Variants in MTHFD1 observed in about 807,000 individuals in gnomAD.
The protein encoded by MTHFD1 is C-1-tetrahydrofolate synthase, cytoplasmic.
A neutral mutation model predicts 110.3 loss-of-function variants in MTHFD1; 44 were observed. The ratio of observed to expected loss-of-function variants is 0.40; its 90% CI spans 0.31 to 0.51. The LOEUF (loss-of-function observed/expected upper bound fraction) is 0.51, where lower values mean the gene tolerates loss of function less well. Ranked by LOEUF, MTHFD1 falls within the 20% of genes least tolerant of loss-of-function variation. MTHFD1 has a pLI of 0.60. For missense variants in MTHFD1, 909 were observed against 1,173.1 expected, an observed-to-expected ratio of 0.77 and a Z score of 3.29; for synonymous variants, 402 against 428.8, an observed-to-expected ratio of 0.94 and a Z score of 0.77.
intron 1 of MTHFD1, among the ~76,000 whole-genome samples, chr14:64,393,981 G>C (rs1355385837): frequency 6.6e-6 from 1 of 152,002 alleles, no homozygotes; most frequent in Non-Finnish European, 1.5e-5. Flanking sequence ...ACTTCCTGAC[G>C]TTGCCCCAAG....
chr14:64,399,589 G>T lies in MTHFD1; in HGVS notation c.42-1204G>T, dbSNP rs61465201. 1.7e-3 allele frequency among the ~76,000 whole-genome samples: 262 copies of T among 150,422 alleles called. 1 individual carries two copies. The highest frequency in any genetic ancestry group is 6.2e-3 in the African/African-American group (252 of 40,822). The stretch of plus-strand genomic sequence containing the variant: ...CAGCAGAATCGCTTGAACCCAGGAG[G>T]TGGAGGTTGCAGTGAGCAGATATCG... On this transcript the variant is annotated intron_variant, in intron 1 of 27. Transcript: ENST00000652337.
chr14:64,437,395 GAT>G lies in MTHFD1; in HGVS notation c.1598-1699_1598-1698del, dbSNP rs1400989497. Among the ~76,000 whole-genome samples the G allele has an allele frequency of 4.6e-5, 7 of 152,310 alleles. No individual in the cohort carries two copies. In the East Asian group the frequency reaches 1.2e-3, roughly 25 times the overall value. ...GTTTCTTTGATATTGTTTGGCATTTGATACTGAAATGGCAACTCCTGTTTCCT... is the reference window on the plus strand; with the variant it reads ...GTTTCTTTGATATTGTTTGGCATTTGACTGAAATGGCAACTCCTGTTTCCT... On this transcript the variant is annotated intron_variant, in intron 16 of 27. Coordinates refer to ENST00000652337, the MANE Select transcript of MTHFD1 (RefSeq NM_005956.4).
At chr14:64,435,043 G>C (rs146724743) in intron 15 of MTHFD1, among the ~76,000 whole-genome samples, 1,430 of 140,140 alleles carry the variant, frequency 0.01, 22 homozygotes, top group African/African-American at 0.034. Flanking sequence ...TCTACCTCCT[G>C]GGTTCAAGCA....
At chr14:64,447,563 G>A (rs2078302409) in intron 22 of MTHFD1, among the ~76,000 whole-genome samples, 1 of 150,562 alleles carries the variant, frequency 6.6e-6, no homozygotes, top group Admixed American at 6.7e-5. Flanking sequence ...TCCTGCCTCA[G>A]CCTCCCAAAG....
intron 4 of MTHFD1, 93 bp downstream of exon 4, chr14:64,412,618 G>A: frequency 1.2e-6 from 1 of 829,184 alleles, no homozygotes. Flanking sequence ...GACACATTTA[G>A]CCAAGACCTC....
At position 64,415,646 on chromosome 14, in the gene MTHFD1, A is replaced by G. The variant is rs2078019975; in HGVS notation, c.385A>G (p.Ser129Gly). The G allele has an allele frequency of 6.2e-7, 1 of 1,611,876 alleles. No homozygotes were observed. Among genetic ancestry groups the G allele is most frequent in the East Asian group, 2.2e-5 (1 of 44,860 alleles). Reference protein sequence around the residue: ...APEKDVDGLTSINAGKLARGD... With the variant: ...APEKDVDGLTGINAGKLARGD... ...TTCCATCACTTTTTTAAGATTGACTAGCATCAATGCTGGGAAACTTGCTAG... is the reference window on the plus strand; with the variant it reads ...TTCCATCACTTTTTTAAGATTGACTGGCATCAATGCTGGGAAACTTGCTAG... The change falls in exon 6 of 28, where the codon AGC (serine) becomes GGC (glycine). Residue 129 changes from serine (S) to glycine (G), a missense_variant. Around this residue, in one of 3 missense-constraint regions of MTHFD1, gnomAD observed 424 missense variants for 510.4 expected, o/e 0.83. Transcript: ENST00000652337.
intron 25 of MTHFD1, among the ~76,000 whole-genome samples, chr14:64,454,484 G>A (rs1384487423): frequency 2.0e-5 from 3 of 151,460 alleles, no homozygotes; most frequent in African/African-American, 4.9e-5. Context: ...TTCCATAGAT[G>A]GAAATAAAAT....
chr14:64,432,444 T>C (rs1363934463), intron 15 of MTHFD1, among the ~76,000 whole-genome samples: 4 of 152,232 alleles, frequency 2.6e-5, no homozygotes, highest in Non-Finnish European at 1.5e-5. Flanking sequence ...AGCAGCTCTA[T>C]TAATAATTTC....
chr14:64,428,809 C>T (rs1397470257), intron 12 of MTHFD1, among the ~76,000 whole-genome samples: 1 of 148,886 alleles, frequency 6.7e-6, no homozygotes, highest in Admixed American at 6.7e-5. Flanking sequence ...ACCTTGGCCT[C>T]CCAATGTGCT....
At chr14:64,431,704 G>C in intron 14 of MTHFD1, 65 bp downstream of exon 14, 1 of 1,594,010 alleles carries the variant, frequency 6.3e-7, no homozygotes, top group Non-Finnish European at 8.6e-7. Flanking sequence ...ATCTGAATTA[G>C]TGTTGGTGTC....
intron 1 of MTHFD1, among the ~76,000 whole-genome samples, chr14:64,399,749 G>C (rs1036363127): frequency 6.6e-6 from 1 of 151,444 alleles, no homozygotes; most frequent in Non-Finnish European, 1.5e-5. Flanking sequence ...TATTAAACCA[G>C]ATAATGTCCA....
intron 3 of MTHFD1, among the ~76,000 whole-genome samples, chr14:64,411,418 A>G (rs1208139267): frequency 1.3e-5 from 2 of 152,148 alleles, no homozygotes; most frequent in African/African-American, 4.8e-5. Flanking sequence ...TAGGAGATTT[A>G]TTTGCCAAAA....
chr14:64,423,810 T>C (rs1445391190), intron 8 of MTHFD1, among the ~76,000 whole-genome samples: 1 of 151,530 alleles, frequency 6.6e-6, no homozygotes, highest in Non-Finnish European at 1.5e-5. Flanking sequence ...CACTGCAAGC[T>C]CCGCCCCCCG....
intron 15 of MTHFD1, among the ~76,000 whole-genome samples, chr14:64,433,919 A>G (rs2078182721): frequency 6.6e-6 from 1 of 151,746 alleles, no homozygotes; most frequent in Non-Finnish European, 1.5e-5. Context: ...AGCCCCAGCT[A>G]CTCGAGAGGC....
At chr14:64,425,587 T>C (rs1388217007) in intron 9 of MTHFD1, 143 bp from the exon 10 acceptor site, 1 of 760,266 alleles carries the variant, frequency 1.3e-6, no homozygotes, top group Non-Finnish European at 2.3e-6. Context: ...GCCTCTTGAC[T>C]CTTAGCTAGG....
In MTHFD1 at chr14:64,388,356, C is replaced by T. The variant is rs962807031; in HGVS notation, c.-72C>T. On this transcript the variant is annotated 5_prime_UTR_variant, in exon 1 of 28. Coordinates refer to ENST00000652337, the MANE Select transcript of MTHFD1 (RefSeq NM_005956.4). ...CCCTAAGCACGTGGGTTGGGTTGTC[C>T]TGCTTGGCTGCGGAGGGAGTGGAAC... The T allele has an allele frequency of 1.2e-6, 2 of 1,614,134 alleles. No homozygotes were observed. Among genetic ancestry groups the T allele is most frequent in the Non-Finnish European group, 1.7e-6 (2 of 1,179,980 alleles).
At chr14:64,393,818 G>T (rs2077826271) in intron 1 of MTHFD1, among the ~76,000 whole-genome samples, 1 of 152,132 alleles carries the variant, frequency 6.6e-6, no homozygotes, top group Non-Finnish European at 1.5e-5. Context: ...TACAGAGGAG[G>T]GTCCTTGGAG....
At chr14:64,405,592 C>G (rs2077930110) in intron 2 of MTHFD1, among the ~76,000 whole-genome samples, 1 of 152,218 alleles carries the variant, frequency 6.6e-6, no homozygotes, top group Non-Finnish European at 1.5e-5. Context: ...CTTCCTCACT[C>G]CCTGCATCCA....
intron 1 of MTHFD1, chr14:64,388,678 G>A: frequency 1.6e-6 from 1 of 623,188 alleles, no homozygotes; most frequent in South Asian, 1.9e-5. Flanking sequence ...GCTGGCTCCT[G>A]TGCTTCGGGG....
Sources: gnomAD v4.1 joint callset for allele counts (sites outside exome capture counted in the v4.1 genomes callset) on GRCh38, gnomAD v4.1.1 for gene constraint, gnomAD v4.1.1 regional missense constraint, MANE v1.5 for transcripts, NCBI Gene and HGNC (gene_info 2026-07-23, HGNC 2026-07-21) for gene names.